RNF150: variants seen among roughly 807,000 people sequenced by gnomAD.
RNF150 encodes the protein ring finger protein 150.
In RNF150, 24 loss-of-function variants were observed where a neutral mutation model predicts 39.3. The ratio of observed to expected loss-of-function variants is 0.61; its 90% CI spans 0.44 to 0.86. The LOEUF is 0.86. Ranked by LOEUF, RNF150 falls within the 40% of genes least tolerant of loss-of-function variation. The pLI, the probability that RNF150 is intolerant of heterozygous loss-of-function variation, is 0.00. For synonymous variants in RNF150, 255 were observed against 227.3 expected (o/e 1.12, Z -1.10); for missense variants, 502 against 587.8 (o/e 0.85, Z 1.51).
intron 4 of RNF150, among the ~76,000 whole-genome samples, chr4:140,945,041 G>C (rs1257741268): frequency 1.3e-5 from 2 of 152,148 alleles, no homozygotes. Context: ...ACTAGAATAA[G>C]ATCAAACAGT....
intron 1 of RNF150, among the ~76,000 whole-genome samples, chr4:141,110,143 A>G (rs1321115720): frequency 6.6e-6 from 1 of 152,228 alleles, no homozygotes; most frequent in Admixed American, 6.5e-5. Flanking sequence ...GTTATGTCAA[A>G]GACACTGAAA....
At chr4:141,091,706 C>T (rs1327847155) in intron 1 of RNF150, among the ~76,000 whole-genome samples, 1 of 152,140 alleles carries the variant, frequency 6.6e-6, no homozygotes. Context: ...CCTTTCCAAC[C>T]CTGAGACTTC....
intron 1 of RNF150, among the ~76,000 whole-genome samples, chr4:141,169,270 G>T (rs2572239): frequency 5.3e-5 from 8 of 151,994 alleles, no homozygotes; most frequent in African/African-American, 1.9e-4. Flanking sequence ...CATGTAGGAC[G>T]TGTCTACTTC....
At chr4:141,100,850 G>T (rs1399071350) in intron 1 of RNF150, among the ~76,000 whole-genome samples, 2 of 152,182 alleles carry the variant, frequency 1.3e-5, no homozygotes, top group Non-Finnish European at 2.9e-5. Flanking sequence ...TTACTGTTTT[G>T]AATACTGTGG....
chr4:141,188,758 G>T (rs993056057), intron 1 of RNF150, among the ~76,000 whole-genome samples: 1 of 151,930 alleles, frequency 6.6e-6, no homozygotes, highest in African/African-American at 2.4e-5. Flanking sequence ...GTAACCTTTT[G>T]TCAAGGTTCT....
intron 4 of RNF150, 55 bp downstream of exon 4, chr4:140,947,599 G>A (rs540322048): frequency 2.4e-5 from 32 of 1,349,498 alleles, no homozygotes; most frequent in South Asian, 9.7e-5. Flanking sequence ...GGGAGGCCAC[G>A]CAGGCACGCT....
intron 2 of RNF150, among the ~76,000 whole-genome samples, chr4:140,956,172 T>C (rs981244194): frequency 2.6e-5 from 4 of 152,162 alleles, no homozygotes; most frequent in Non-Finnish European, 4.4e-5. Flanking sequence ...AGTCCTTGTG[T>C]CTGAGATGAG....
chr4:140,959,692 TC>T (rs1461225908), intron 2 of RNF150, among the ~76,000 whole-genome samples: 1 of 152,158 alleles, frequency 6.6e-6, no homozygotes, highest in African/African-American at 2.4e-5. Flanking sequence ...TGTGAGGCTG[TC>T]CTTGGTCTTT....
At chr4:140,895,819 C>T (rs1560952606) in intron 6 of RNF150, among the ~76,000 whole-genome samples, 1 of 152,174 alleles carries the variant, frequency 6.6e-6, no homozygotes. Flanking sequence ...TTTTGATCTG[C>T]TCATTCAAGG....
At chr4:141,198,033 CTT>C (rs143206387) in intron 1 of RNF150, among the ~76,000 whole-genome samples, 56 of 139,414 alleles carry the variant, frequency 4.0e-4, no homozygotes, top group Admixed American at 5.0e-4. Flanking sequence ...TAGACCACTC[CTT>C]TTTTTTTTTT....
At chr4:140,986,591 C>A (rs1218463067) in intron 1 of RNF150, among the ~76,000 whole-genome samples, 1 of 151,974 alleles carries the variant, frequency 6.6e-6, no homozygotes, top group Non-Finnish European at 1.5e-5. Flanking sequence ...CTTGGTTTAT[C>A]AATTTTAGAC....
intron 1 of RNF150, among the ~76,000 whole-genome samples, chr4:141,143,081 G>A (rs149203548): frequency 0.024 from 3,613 of 152,108 alleles, 91 homozygotes; most frequent in Non-Finnish European, 0.031. Context: ...TGTTGCCCAG[G>A]CTGGTCGCAA....
chr4:140,874,449 C>T (rs2111190378), intron 6 of RNF150, among the ~76,000 whole-genome samples: 1 of 152,306 alleles, frequency 6.6e-6, no homozygotes, highest in Middle Eastern at 3.4e-3. Context: ...GTAAATATTT[C>T]TAGAATTGAG....
chr4:140,924,240 CAAATGCTAAA>C (rs1269828862), intron 5 of RNF150, among the ~76,000 whole-genome samples: 1 of 152,090 alleles, frequency 6.6e-6, no homozygotes, highest in African/African-American at 2.4e-5. Context: ...CCAGAATGCC[CAAATGCTAAA>C]AGTTAAAATG....
At chr4:140,883,733 A>G (rs1280944655) in intron 6 of RNF150, among the ~76,000 whole-genome samples, 1 of 152,104 alleles carries the variant, frequency 6.6e-6, no homozygotes, top group African/African-American at 2.4e-5. Context: ...ACTTTGGACA[A>G]TTTGATTGTA....
intron 5 of RNF150, among the ~76,000 whole-genome samples, chr4:140,918,184 C>G (rs1456768111): frequency 6.6e-6 from 1 of 152,080 alleles, no homozygotes; most frequent in Non-Finnish European, 1.5e-5. Flanking sequence ...CAAGAAATAA[C>G]TAAAATCAGA....
chr4:141,046,974 C>T (rs945749662), intron 1 of RNF150, among the ~76,000 whole-genome samples: 4 of 152,156 alleles, frequency 2.6e-5, no homozygotes, highest in South Asian at 2.1e-4. Context: ...AATAAATGCT[C>T]AAACTCAGTT....
intron 5 of RNF150, among the ~76,000 whole-genome samples, chr4:140,917,062 C>T (rs1437013557): frequency 6.6e-6 from 1 of 152,166 alleles, no homozygotes; most frequent in Non-Finnish European, 1.5e-5. Flanking sequence ...TGGAAAGGAA[C>T]AACTGGTACT....
intron 1 of RNF150, among the ~76,000 whole-genome samples, chr4:141,077,136 T>A (rs1393616323): frequency 1.3e-5 from 2 of 152,206 alleles, no homozygotes; most frequent in Non-Finnish European, 2.9e-5. Context: ...AATCAATGTG[T>A]TATACCCACT....
Sources: allele counts gnomAD v4.1 joint callset (sites outside exome capture counted in the v4.1 genomes callset), GRCh38; gene constraint gnomAD v4.1.1; transcripts MANE v1.5; gene names NCBI Gene and HGNC (gene_info 2026-07-23, HGNC 2026-07-21).